The following LRCH1 variants were observed in gnomAD, a reference collection of about 807,000 sequenced individuals.
LRCH1 encodes leucine rich repeats and calponin homology domain containing 1.
Under a neutral mutation model 94.9 loss-of-function variants are expected in LRCH1, and 23 were observed. The ratio of observed to expected loss-of-function variants is 0.24; its 90% confidence interval spans 0.17 to 0.34. The LOEUF is 0.34. Ranked by LOEUF, LRCH1 falls within the 10% of genes least tolerant of loss-of-function variation. LRCH1 has a pLI of 1.00. For synonymous variants in LRCH1, 364 were observed against 354.9 expected, an observed-to-expected ratio of 1.03 and a Z score of -0.29; for missense variants, 790 against 945.9, an observed-to-expected ratio of 0.84 and a Z score of 2.16.
chr13:46,563,479 G>A (rs74830242), intron 1 of LRCH1, among the ~76,000 whole-genome samples: 14,501 of 152,074 alleles, frequency 0.095, 804 homozygotes, highest in Middle Eastern at 0.2. Context: ...CCTATGCATC[G>A]GTTTCCTCAC....
intron 1 of LRCH1, among the ~76,000 whole-genome samples, chr13:46,648,183 C>G (rs116263278): frequency 1.7e-3 from 264 of 152,236 alleles, no homozygotes; most frequent in African/African-American, 6.2e-3. Context: ...ACAAGGAGCA[C>G]GCAACCTAGG....
rs777246969 is a variant in LRCH1 at position 46,743,175 on chromosome 13, A to G, written c.*1327A>G. ...CTTCCTCAAGATAAATTTCTAGTTT[A>G]TTAAGATGCAAACAGCTCTCATAGA... is the stretch of plus-strand genomic sequence containing the variant. On this transcript the variant is annotated 3_prime_UTR_variant, in exon 20 of 20. Transcript: ENST00000389797. 4.3e-5 allele frequency: 42 copies of G among 985,658 alleles called. No homozygotes were observed. The highest frequency in any genetic ancestry group is 4.9e-5 in the Non-Finnish European group (41 of 829,904). The allele number at this position is 985,658 out of a possible 1,614,324, so 61.1% of individuals were successfully genotyped here. A position where few individuals can be genotyped will look rare whatever the true frequency, so the allele number is the denominator to read the frequency against.
intron 13 of LRCH1, among the ~76,000 whole-genome samples, chr13:46,707,799 A>G (rs1476538927): frequency 6.6e-6 from 1 of 152,178 alleles, no homozygotes; most frequent in Non-Finnish European, 1.5e-5. Context: ...CATTTCTTCA[A>G]TAAATATTCG....
intron 1 of LRCH1, among the ~76,000 whole-genome samples, chr13:46,612,521 A>C (rs2050758596): frequency 6.6e-6 from 1 of 152,152 alleles, no homozygotes; most frequent in Admixed American, 6.5e-5. Context: ...AGCTTTGTTG[A>C]ATCTCCTGCC....
chr13:46,615,007 A>G (rs2050790291), intron 1 of LRCH1, among the ~76,000 whole-genome samples: 1 of 152,174 alleles, frequency 6.6e-6, no homozygotes, highest in Non-Finnish European at 1.5e-5. Context: ...TAGGGCTATC[A>G]CTGGATCTTT....
intron 1 of LRCH1, among the ~76,000 whole-genome samples, chr13:46,594,363 C>T (rs1482433371): frequency 6.6e-6 from 1 of 151,960 alleles, no homozygotes; most frequent in Non-Finnish European, 1.5e-5. Flanking sequence ...TTTGTAAGAA[C>T]CTCCTAGAAC....
chr13:46,731,478 G>A (rs543525130), intron 18 of LRCH1, among the ~76,000 whole-genome samples: 32 of 152,176 alleles, frequency 2.1e-4, no homozygotes, highest in Middle Eastern at 6.8e-3. Flanking sequence ...TAATCTGCCC[G>A]CCTCAGCCTC....
intron 3 of LRCH1, among the ~76,000 whole-genome samples, chr13:46,672,953 G>T (rs1398891180): frequency 6.6e-6 from 1 of 152,162 alleles, no homozygotes; most frequent in African/African-American, 2.4e-5. Context: ...ACCCAGCGCA[G>T]TCCTGTGGAA....
Position 46,741,870 on chromosome 13 carries a change from G to A in LRCH1, c.*22G>A, listed in dbSNP as rs772351982. ...ATAATGTCTGCACGTGCATCCAAAC[G>A]CTGTGCTCTGTCGCCCTCAACCTTT... On this transcript the variant is annotated 3_prime_UTR_variant, in exon 20 of 20. Coordinates refer to ENST00000389797, the MANE Select transcript of LRCH1 (RefSeq NM_001164211.2). 7 of 1,612,844 alleles carry A rather than the reference G, an allele frequency of 4.3e-6. No individual in the cohort carries two copies. The highest frequency in any genetic ancestry group is 1.7e-5 in the Admixed American group (1 of 60,002).
intron 5 of LRCH1, 54 bp downstream of exon 5, chr13:46,686,095 C>T: frequency 7.2e-7 from 1 of 1,385,192 alleles, no homozygotes; most frequent in Non-Finnish European, 9.4e-7. Context: ...GTTATAGGAG[C>T]CAAGGGAAAA....
chr13:46,723,165 A>G (rs2138218897), intron 16 of LRCH1, 56 bp from the exon 17 acceptor site: 1 of 897,678 alleles, frequency 1.1e-6, no homozygotes, highest in South Asian at 1.5e-5. Context: ...TTTAATATGA[A>G]TAGCCCTATG....
chr13:46,740,812 G>A (rs774467793), intron 19 of LRCH1, among the ~76,000 whole-genome samples: 5 of 152,160 alleles, frequency 3.3e-5, no homozygotes, highest in Non-Finnish European at 5.9e-5. Flanking sequence ...GAAAGTCAAC[G>A]CAGAAAACTG....
At chr13:46,675,239 A>G (rs1481309955) in intron 3 of LRCH1, among the ~76,000 whole-genome samples, 1 of 152,246 alleles carries the variant, frequency 6.6e-6, no homozygotes. Context: ...AGCTGTAAAA[A>G]CAAACACACT....
chr13:46,607,888 T>G (rs1181864767), intron 1 of LRCH1, among the ~76,000 whole-genome samples: 3 of 152,152 alleles, frequency 2.0e-5, no homozygotes, highest in Non-Finnish European at 4.4e-5. Context: ...GGATCTGCAA[T>G]GCTTAGTGGG....
intron 1 of LRCH1, among the ~76,000 whole-genome samples, chr13:46,563,029 C>A (rs1053671838): frequency 1.3e-5 from 2 of 152,058 alleles, no homozygotes; most frequent in Non-Finnish European, 2.9e-5. Context: ...GGTCACTTCT[C>A]ACCAACATTT....
At chr13:46,559,390 A>C (rs1317900769) in intron 1 of LRCH1, among the ~76,000 whole-genome samples, 1 of 152,214 alleles carries the variant, frequency 6.6e-6, no homozygotes, top group African/African-American at 2.4e-5. Context: ...TCCATTCATA[A>C]ACTATGATTC....
chr13:46,678,253 C>A (rs1020097864), intron 3 of LRCH1, among the ~76,000 whole-genome samples: 1 of 152,148 alleles, frequency 6.6e-6, no homozygotes, highest in African/African-American at 2.4e-5. Flanking sequence ...AGTATTTTAT[C>A]CCCAAACACC....
At chr13:46,710,186 A>C (rs925076281) in intron 13 of LRCH1, among the ~76,000 whole-genome samples, 2 of 152,296 alleles carry the variant, frequency 1.3e-5, no homozygotes, top group South Asian at 4.1e-4. Flanking sequence ...TGCAGAAGAA[A>C]TAAGATGGTC....
chr13:46,635,598 G>A (rs2051076331), intron 1 of LRCH1, among the ~76,000 whole-genome samples: 1 of 151,032 alleles, frequency 6.6e-6, no homozygotes, highest in Non-Finnish European at 1.5e-5. Flanking sequence ...AGCCTCCCGA[G>A]TAGCTGGGAC....
Sources: allele counts gnomAD v4.1 joint callset (sites outside exome capture counted in the v4.1 genomes callset), GRCh38; gene constraint gnomAD v4.1.1; transcripts MANE v1.5; gene names NCBI Gene and HGNC (gene_info 2026-07-23, HGNC 2026-07-21).